ADGRL2: variants seen among roughly 807,000 people sequenced by gnomAD.
ADGRL2 encodes the protein calcium-independent alpha-latrotoxin receptor 2.
In ADGRL2, 44 loss-of-function variants were observed where a neutral mutation model predicts 157.4. That is an observed-to-expected ratio of 0.28 (90% CI 0.22 to 0.36). The LOEUF (loss-of-function observed/expected upper bound fraction) is 0.36, where lower values mean the gene tolerates loss of function less well. Among genes scored for constraint, ADGRL2 ranks in the 10% least tolerant of loss-of-function variants. The probability of loss-of-function intolerance (pLI) is 1.00; values close to 1 mark genes in which losing one functional copy is unlikely to be tolerated. For missense variants in ADGRL2, 1,510 were observed against 1,768.9 expected (o/e 0.85, Z 2.63); for synonymous variants, 585 against 624.7 (o/e 0.94, Z 0.95).
intron 2 of ADGRL2, among the ~76,000 whole-genome samples, chr1:81,839,608 CAT>C (rs1185795193): frequency 2.0e-5 from 3 of 151,740 alleles, no homozygotes; most frequent in Admixed American, 6.6e-5. Context: ...TTAGCTCCTA[CAT>C]ATCAGTGAGA....
intron 1 of ADGRL2, among the ~76,000 whole-genome samples, chr1:81,434,129 A>C (rs2077369580): frequency 6.6e-6 from 1 of 152,206 alleles, no homozygotes; most frequent in Admixed American, 6.5e-5. Context: ...TCCAGCTCAG[A>C]TTCAAAGGGA....
At chr1:81,392,883 C>G (rs928608578) in intron 1 of ADGRL2, among the ~76,000 whole-genome samples, 14 of 152,072 alleles carry the variant, frequency 9.2e-5, no homozygotes, top group African/African-American at 3.1e-4. Flanking sequence ...TAATCCATCT[C>G]AACTTATTGA....
At chr1:81,468,673 C>A (rs990604435) in intron 2 of ADGRL2, among the ~76,000 whole-genome samples, 5 of 152,250 alleles carry the variant, frequency 3.3e-5, no homozygotes, top group Admixed American at 3.3e-4. Context: ...ACCCTGTGCA[C>A]GAAATAATCA....
intron 2 of ADGRL2, among the ~76,000 whole-genome samples, chr1:81,792,437 T>C (rs1448871353): frequency 6.6e-6 from 1 of 152,178 alleles, no homozygotes; most frequent in Non-Finnish European, 1.5e-5. Context: ...AACACAAATA[T>C]ATAGATGCAG....
At chr1:81,420,714 C>T (rs1217494319) in intron 1 of ADGRL2, among the ~76,000 whole-genome samples, 1 of 152,084 alleles carries the variant, frequency 6.6e-6, no homozygotes, top group East Asian at 1.9e-4. Flanking sequence ...CTTCAGTTGT[C>T]GTGCTTAGGG....
intron 2 of ADGRL2, among the ~76,000 whole-genome samples, chr1:81,486,360 A>G (rs141517619): frequency 2.2e-3 from 329 of 152,256 alleles, no homozygotes; most frequent in African/African-American, 6.9e-3. Flanking sequence ...ACTGCTTGGA[A>G]AGAGTCACTG....
In ADGRL2 at chr1:81,479,671, G is replaced by A. The variant is rs147051774; in HGVS notation, c.-248+34582G>A. The stretch of plus-strand genomic sequence containing the variant: ...GGATGACTACAGTACTAAAAAGAAT[G>A]TTGATTATTGCATCCTTCTAATTCC... On this transcript the variant is annotated intron_variant, in intron 2 of 24. Coordinates refer to the ADGRL2 transcript ENST00000370721. Among the ~76,000 whole-genome samples, 752 of 152,248 alleles carry A rather than the reference G, an allele frequency of 4.9e-3. 3 individuals are homozygous for A. The highest frequency in any genetic ancestry group is 7.6e-3 in the Non-Finnish European group (520 of 68,018).
intron 1 of ADGRL2, among the ~76,000 whole-genome samples, chr1:81,439,853 A>G (rs934897504): frequency 3.3e-5 from 5 of 152,170 alleles, no homozygotes; most frequent in African/African-American, 7.2e-5. Flanking sequence ...GTCCCGAGCT[A>G]TTGTCCAGTG....
At chr1:81,320,942 T>C (rs910089271) in intron 1 of ADGRL2, among the ~76,000 whole-genome samples, 2 of 152,248 alleles carry the variant, frequency 1.3e-5, no homozygotes, top group African/African-American at 4.8e-5. Flanking sequence ...TTCTCCTCTC[T>C]AGCTAGTTAA....
intron 1 of ADGRL2, among the ~76,000 whole-genome samples, chr1:81,330,621 T>C (rs1661205730): frequency 6.6e-6 from 1 of 152,146 alleles, no homozygotes; most frequent in Admixed American, 6.6e-5. Context: ...AACTAATGGA[T>C]CTTTCCTATT....
intron 1 of ADGRL2, chr1:81,721,688 T>C: frequency 7.7e-7 from 1 of 1,291,610 alleles, no homozygotes. Flanking sequence ...CACTGCTTCC[T>C]GACCATGGAC....
At chr1:81,457,715 T>C (rs1203327205) in intron 2 of ADGRL2, among the ~76,000 whole-genome samples, 1 of 152,230 alleles carries the variant, frequency 6.6e-6, no homozygotes, top group Non-Finnish European at 1.5e-5. Context: ...GTATATAAAA[T>C]GATCCAGAAG....
At position 81,979,956 on chromosome 1, in the gene ADGRL2, A is replaced by T. The variant is rs759443053; in HGVS notation, c.3109A>T (p.Ile1037Phe). The part of the protein sequence containing the change: ...LKPDSSRLEN[I>F]KSWVLGAFAL... ...ACCAGATTCTAGCAGGTTGGAAAAC[A>T]TTAAGTAAGTATTTTGTATTTTAAT... Residue 1037 changes from isoleucine to phenylalanine, a missense_variant, in exon 18 of 24, where the codon ATT becomes TTT. Transcript: ENST00000686636. 1 of 1,573,140 alleles carries T rather than the reference A, an allele frequency of 6.4e-7. No homozygotes were observed. The highest frequency in any genetic ancestry group is 8.7e-7 in the Non-Finnish European group (1 of 1,144,324).
At chr1:81,558,897 T>G (rs1300548735) in intron 2 of ADGRL2, among the ~76,000 whole-genome samples, 1 of 152,162 alleles carries the variant, frequency 6.6e-6, no homozygotes, top group African/African-American at 2.4e-5. Context: ...AAAATTACAG[T>G]TCAGAGTGCA....
intron 1 of ADGRL2, among the ~76,000 whole-genome samples, chr1:81,354,338 G>A (rs1211787283): frequency 6.6e-6 from 1 of 152,176 alleles, no homozygotes; most frequent in African/African-American, 2.4e-5. Context: ...CCTACAGCCA[G>A]AATTCCTAAT....
At chr1:81,686,068 G>C (rs2083222750) in intron 3 of ADGRL2, among the ~76,000 whole-genome samples, 1 of 152,140 alleles carries the variant, frequency 6.6e-6, no homozygotes, top group African/African-American at 2.4e-5. Flanking sequence ...TAGCAACTAT[G>C]TTCATCAAGG....
intron 2 of ADGRL2, among the ~76,000 whole-genome samples, chr1:81,562,022 A>C (rs1012525736): frequency 1.3e-5 from 2 of 152,226 alleles, no homozygotes; most frequent in African/African-American, 4.8e-5. Flanking sequence ...AAAAGCTAAA[A>C]TACTTTAAAA....
chr1:81,842,124 G>A (rs566056684), intron 2 of ADGRL2, among the ~76,000 whole-genome samples: 2 of 151,976 alleles, frequency 1.3e-5, no homozygotes, highest in Non-Finnish European at 2.9e-5. Context: ...TATGTGCTTA[G>A]GGGTGGTTGT....
chr1:81,747,987 C>T (rs1334203098), intron 1 of ADGRL2, among the ~76,000 whole-genome samples: 1 of 151,984 alleles, frequency 6.6e-6, no homozygotes, highest in African/African-American at 2.4e-5. Flanking sequence ...TTTAAAATTC[C>T]TTGTTTGGTG....
Sources: allele counts gnomAD v4.1 joint callset (sites outside exome capture counted in the v4.1 genomes callset), GRCh38; gene constraint gnomAD v4.1.1; transcripts MANE v1.5; gene names NCBI Gene and HGNC (gene_info 2026-07-23, HGNC 2026-07-21).